The following RGS3 variants were observed in gnomAD, a reference collection of about 807,000 sequenced individuals.
RGS3 encodes regulator of G-protein signalling 3.
A neutral mutation model predicts 132.6 loss-of-function variants in RGS3; 80 were observed. That is an observed-to-expected ratio of 0.60 (90% CI 0.50 to 0.73). The LOEUF is 0.73. Ranked by LOEUF, RGS3 falls within the 30% of genes least tolerant of loss-of-function variation. The pLI, the probability that RGS3 is intolerant of heterozygous loss-of-function variation, is 0.00. For synonymous variants in RGS3, 598 were observed against 620.6 expected, an observed-to-expected ratio of 0.96 and a Z score of 0.54; for missense variants, 1,382 against 1,530.8, an observed-to-expected ratio of 0.90 and a Z score of 1.62.
chr9:113,494,612 C>T (rs1363230621), intron 7 of RGS3, among the ~76,000 whole-genome samples: 2 of 152,112 alleles, frequency 1.3e-5, no homozygotes, highest in Non-Finnish European at 2.9e-5. Flanking sequence ...TCAGCCTCCT[C>T]AGTAGCTGGG....
chr9:113,536,638 T>G, intron 18 of RGS3, 158 bp from the exon 17 acceptor site: 1 of 1,471,486 alleles, frequency 6.8e-7, no homozygotes, highest in African/African-American at 1.4e-5. Flanking sequence ...GCTGCCTCAA[T>G]GTCACTGGGG....
At chr9:113,503,963 A>T (rs1343677596) in intron 10 of RGS3, among the ~76,000 whole-genome samples, 1 of 151,282 alleles carries the variant, frequency 6.6e-6, no homozygotes, top group Non-Finnish European at 1.5e-5. Context: ...CAGAATTCTT[A>T]TGGGAACGGG....
intron 19 of RGS3, among the ~76,000 whole-genome samples, chr9:113,580,040 C>T (rs535570978): frequency 1.6e-4 from 25 of 152,318 alleles, no homozygotes; most frequent in Admixed American, 5.9e-4. Flanking sequence ...ATAATTGCTC[C>T]GGAGCTCCCG....
intron 19 of RGS3, among the ~76,000 whole-genome samples, chr9:113,544,299 G>GT (rs572535036): frequency 0.065 from 8,613 of 133,352 alleles, 264 homozygotes; most frequent in South Asian, 0.11. Flanking sequence ...CCATTTTCAT[G>GT]TTTTTTTTTT....
At chr9:113,479,905 T>C (rs995706095) in intron 4 of RGS3, among the ~76,000 whole-genome samples, 7 of 152,182 alleles carry the variant, frequency 4.6e-5, no homozygotes, top group African/African-American at 1.7e-4. Context: ...TTCTCACTCA[T>C]TCATTTATTC....
intron 19 of RGS3, 65 bp from the exon 18 acceptor site, chr9:113,583,385 G>A: frequency 6.4e-7 from 1 of 1,568,144 alleles, no homozygotes. Flanking sequence ...GTCAGCTCAT[G>A]CATGGTGTCT....
At chr9:113,533,863 C>T (rs1275580612) in intron 18 of RGS3, among the ~76,000 whole-genome samples, 1 of 152,224 alleles carries the variant, frequency 6.6e-6, no homozygotes, top group African/African-American at 2.4e-5. Flanking sequence ...GGGTCTTTTG[C>T]TGGCCATATC....
intron 7 of RGS3, among the ~76,000 whole-genome samples, chr9:113,486,842 A>T (rs1446607110): frequency 6.6e-6 from 1 of 152,234 alleles, no homozygotes; most frequent in African/African-American, 2.4e-5. Context: ...CTTTTAATAA[A>T]GTATCCACTT....
chr9:113,541,353 A>G, intron 19 of RGS3: 1 of 1,613,786 alleles, frequency 6.2e-7, no homozygotes, highest in Non-Finnish European at 8.5e-7. Context: ...CCAGCAGGAG[A>G]TGGGGCCGGT....
chr9:113,507,329 C>A lies in RGS3; in HGVS notation c.1128C>A (p.Val376=), dbSNP rs567505520. 4 of 1,613,854 alleles carry A rather than the reference C, an allele frequency of 2.5e-6. No individual in the cohort carries two copies. The Admixed American group carries it at 6.7e-5, about 27-fold the overall frequency. Reference sequence around the variant, plus strand: ...TCATCCTACTCGTGTGGCGCATGGTCCCCCAGGTCAAGCCAGGACCAGATG... The same window carrying A: ...TCATCCTACTCGTGTGGCGCATGGTACCCCAGGTCAAGCCAGGACCAGATG... The change falls in exon 13 of 25, where the codon GTC becomes GTA. Residue 376 remains valine, a synonymous_variant. Transcript: ENST00000350696. This position sits in a 1 kb window ranked among gnomAD's most constrained non-coding sequence, Gnocchi z 5.0.
chr9:113,543,145 C>T (rs1434437329), intron 19 of RGS3, among the ~76,000 whole-genome samples: 1 of 152,242 alleles, frequency 6.6e-6, no homozygotes, highest in East Asian at 1.9e-4. Flanking sequence ...ATTAGAGTCA[C>T]TTGCATAGGA....
chr9:113,466,564 G>A (rs922699264), intron 3 of RGS3, among the ~76,000 whole-genome samples: 1 of 152,146 alleles, frequency 6.6e-6, no homozygotes, highest in Non-Finnish European at 1.5e-5. Context: ...GAAGGGAGTA[G>A]GCAAGCTGAG....
intron 19 of RGS3, among the ~76,000 whole-genome samples, chr9:113,551,359 T>C (rs1833332325): frequency 1.3e-5 from 2 of 152,264 alleles, no homozygotes; most frequent in Admixed American, 6.5e-5. Flanking sequence ...ACATTTTGTT[T>C]AACCGTTCAT....
chr9:113,529,747 C>G (rs1378756601), intron 18 of RGS3, among the ~76,000 whole-genome samples: 1 of 152,190 alleles, frequency 6.6e-6, no homozygotes, highest in Non-Finnish European at 1.5e-5. Flanking sequence ...CCAGATAATA[C>G]AGGCTAAAAC....
intron 19 of RGS3, among the ~76,000 whole-genome samples, chr9:113,572,972 T>C (rs968994796): frequency 6.6e-6 from 1 of 152,226 alleles, no homozygotes; most frequent in Non-Finnish European, 1.5e-5. Flanking sequence ...GAGAGGGAGC[T>C]GATGATGTCG....
At chr9:113,471,474 A>C (rs1331831394) in intron 3 of RGS3, among the ~76,000 whole-genome samples, 1 of 152,160 alleles carries the variant, frequency 6.6e-6, no homozygotes, top group Non-Finnish European at 1.5e-5. Flanking sequence ...AGATGCTTTA[A>C]CATATTTTGT....
chr9:113,562,630 G>A (rs942947403), intron 19 of RGS3, among the ~76,000 whole-genome samples: 1 of 152,104 alleles, frequency 6.6e-6, no homozygotes, highest in African/African-American at 2.4e-5. Flanking sequence ...CAGTGATTGG[G>A]GCCCAGTTCC....
At chr9:113,509,538 A>T (rs1307542224) in intron 14 of RGS3, among the ~76,000 whole-genome samples, 1 of 152,120 alleles carries the variant, frequency 6.6e-6, no homozygotes, top group East Asian at 1.9e-4. Flanking sequence ...GCTCAAAACC[A>T]CTTTCTTCTC....
exon 24 of RGS3, chr9:113,595,603 G>C: frequency 6.2e-7 from 1 of 1,614,148 alleles, no homozygotes; most frequent in African/African-American, 1.3e-5. Context: ...TCACAGACGG[G>C]TTAGCAGTGT....
Sources: gnomAD v4.1 joint callset for allele counts (sites outside exome capture counted in the v4.1 genomes callset) on GRCh38, gnomAD v4.1.1 for gene constraint, Gnocchi (gnomAD v3.1) non-coding constraint, MANE v1.5 for transcripts, NCBI Gene and HGNC (gene_info 2026-07-23, HGNC 2026-07-21) for gene names.